PLCB1: variants seen among roughly 807,000 people sequenced by gnomAD.
PLCB1 encodes 1-phosphatidylinositol 4,5-bisphosphate phosphodiesterase beta-1.
In PLCB1, 46 loss-of-function variants were observed where a neutral mutation model predicts 161.8. The observed-to-expected ratio is 0.28, with a 90% CI of 0.22 to 0.36. The LOEUF (loss-of-function observed/expected upper bound fraction) is 0.36. PLCB1 is among the 10% of genes least tolerant of loss of function. PLCB1 has a pLI of 1.00. For synonymous variants in PLCB1, 517 were observed against 503.7 expected, an observed-to-expected ratio of 1.03 and a Z score of -0.35; for missense variants, 1,016 against 1,472.5, an observed-to-expected ratio of 0.69 and a Z score of 5.07.
chr20:8,428,110 G>C (rs1979865287), intron 3 of PLCB1, among the ~76,000 whole-genome samples: 1 of 152,102 alleles, frequency 6.6e-6, no homozygotes, highest in African/African-American at 2.4e-5. Flanking sequence ...AACCAGGTTG[G>C]GTCCAAATGA....
chr20:8,571,295 A>C (rs1986504794), intron 3 of PLCB1, among the ~76,000 whole-genome samples: 1 of 152,162 alleles, frequency 6.6e-6, no homozygotes, highest in South Asian at 2.1e-4. Flanking sequence ...CAACCTAGCC[A>C]ACATGGTGAC....
In PLCB1 at chr20:8,370,480, C is replaced by G. The variant is rs1428941278; in HGVS notation, c.178-902C>G. Among the ~76,000 whole-genome samples the G allele has an allele frequency of 3.9e-5, 6 of 152,136 alleles. No individual in the cohort carries two copies. In the East Asian group the frequency reaches 1.2e-3, roughly 29 times the overall value. On this transcript the variant is annotated intron_variant, in intron 2 of 31. Coordinates refer to ENST00000338037, the MANE Select transcript of PLCB1 (RefSeq NM_015192.4). ...GATGCTTCTCTATCCTTCTCCCTAC[C>G]TCCTTTCCCCGCAATGTTCTCTGTC... is the stretch of plus-strand genomic sequence containing the variant.
At chr20:8,242,417 A>G (rs528837025) in intron 2 of PLCB1, among the ~76,000 whole-genome samples, 3 of 152,080 alleles carry the variant, frequency 2.0e-5, no homozygotes, top group Non-Finnish European at 4.4e-5. Context: ...GGCAATGATT[A>G]GTATTTGAAC....
At position 8,269,928 on chromosome 20, in the gene PLCB1, T is replaced by C. The variant is rs112169436; in HGVS notation, c.178-101454T>C. Among the ~76,000 whole-genome samples, 424 of 152,228 alleles carry C rather than the reference T, an allele frequency of 2.8e-3. 2 individuals carry two copies. The highest frequency in any genetic ancestry group is 9.6e-3 in the African/African-American group (399 of 41,538). On this transcript the variant is annotated intron_variant, in intron 2 of 31. Transcript: ENST00000338037. ...AAAAAGCCTGGCTAACCTTATTTAATTCTACTGAGCTTTACAATTTGGGGG... is the reference window on the plus strand; with the variant it reads ...AAAAAGCCTGGCTAACCTTATTTAACTCTACTGAGCTTTACAATTTGGGGG...
chr20:8,373,177 T>G, intron 3 of PLCB1, among the ~76,000 whole-genome samples: 1 of 152,176 alleles, frequency 6.6e-6, no homozygotes, highest in Non-Finnish European at 1.5e-5. Flanking sequence ...TTTGTCAGCT[T>G]TTCTCCATCA....
chr20:8,851,832 G>A (rs1351184314), intron 31 of PLCB1, among the ~76,000 whole-genome samples: 1 of 151,068 alleles, frequency 6.6e-6, no homozygotes, highest in African/African-American at 2.4e-5. Context: ...TTGAACTGAA[G>A]TTGCAATTTA....
At chr20:8,407,313 G>A (rs1978827811) in intron 3 of PLCB1, among the ~76,000 whole-genome samples, 1 of 151,814 alleles carries the variant, frequency 6.6e-6, no homozygotes, top group Non-Finnish European at 1.5e-5. Context: ...AGTACAATAT[G>A]GAAAAAGGGA....
chr20:8,483,400 T>G (rs1982589227), intron 3 of PLCB1, among the ~76,000 whole-genome samples: 1 of 152,228 alleles, frequency 6.6e-6, no homozygotes, highest in African/African-American at 2.4e-5. Flanking sequence ...CAGCTTCAAT[T>G]ATTTAAATCA....
At chr20:8,444,812 T>G (rs1285079670) in intron 3 of PLCB1, among the ~76,000 whole-genome samples, 2 of 152,334 alleles carry the variant, frequency 1.3e-5, no homozygotes, top group Non-Finnish European at 2.9e-5. Context: ...ATGATGAGCA[T>G]TTTTTCATGT....
chr20:8,728,979 G>T, intron 17 of PLCB1, 71 bp from the exon 18 acceptor site: 2 of 1,041,406 alleles, frequency 1.9e-6, no homozygotes, highest in East Asian at 2.9e-5. Context: ...AAGATGGAAG[G>T]TAGCTTCTTA....
At chr20:8,464,225 A>C (rs1164885096) in intron 3 of PLCB1, among the ~76,000 whole-genome samples, 1 of 152,096 alleles carries the variant, frequency 6.6e-6, no homozygotes, top group Non-Finnish European at 1.5e-5. Flanking sequence ...TTCATGTTGT[A>C]TTGGGTGTTC....
intron 31 of PLCB1, among the ~76,000 whole-genome samples, chr20:8,812,319 C>G (rs558712495): frequency 6.6e-6 from 1 of 152,276 alleles, no homozygotes; most frequent in South Asian, 2.1e-4. Context: ...GATTCTGGAG[C>G]AGGCTCATGA....
chr20:8,630,696 A>G (rs532274462), intron 4 of PLCB1, among the ~76,000 whole-genome samples: 2 of 152,356 alleles, frequency 1.3e-5, no homozygotes, highest in South Asian at 4.1e-4. Flanking sequence ...TTCCTTTTAT[A>G]AAAAGTGACC....
rs2051307476 is a variant in PLCB1, at chr20:8,132,884, G to T, written c.99+134G>T. The T allele has an allele frequency of 9.2e-6, 6 of 654,066 alleles. No homozygotes were observed. The highest frequency in any genetic ancestry group is 2.7e-6 in the Non-Finnish European group (1 of 363,824). 40.5% of individuals were successfully genotyped at this position (654,066 alleles called of 1,614,324 possible). ...GGCAGGGGCAGCCTCGGGCGCACAG[G>T]TTGGCATCTGCCAAAGCGGATGTCC... On this transcript the variant is annotated intron_variant, in intron 1 of 31. Transcript: ENST00000338037. The surrounding 1 kb of genome is among the most constrained non-coding windows in gnomAD (Gnocchi z 5.2).
intron 2 of PLCB1, among the ~76,000 whole-genome samples, chr20:8,225,428 A>G (rs1979630099): frequency 6.6e-6 from 1 of 152,216 alleles, no homozygotes; most frequent in Admixed American, 6.5e-5. Flanking sequence ...GCTCATGTGA[A>G]GAAACAAACA....
chr20:8,749,955 A>C (rs950117051), intron 23 of PLCB1, among the ~76,000 whole-genome samples: 2 of 19,048 alleles, frequency 1.0e-4, no homozygotes, highest in Non-Finnish European at 5.9e-4. Flanking sequence ...TTCATTCAAT[A>C]TTTTTTTTTT....
chr20:8,705,415 T>G (rs1006099009), intron 11 of PLCB1, among the ~76,000 whole-genome samples: 1 of 152,206 alleles, frequency 6.6e-6, no homozygotes, highest in African/African-American at 2.4e-5. Context: ...GAATGTGCCT[T>G]AGCAGAACAG....
chr20:8,481,352 T>C (rs986383818), intron 3 of PLCB1, among the ~76,000 whole-genome samples: 2 of 152,158 alleles, frequency 1.3e-5, no homozygotes, highest in African/African-American at 4.8e-5. Context: ...TTGTGAATTG[T>C]TTGGATGACT....
At chr20:8,528,413 A>T (rs1436805348) in intron 3 of PLCB1, among the ~76,000 whole-genome samples, 2 of 152,118 alleles carry the variant, frequency 1.3e-5, no homozygotes, top group Non-Finnish European at 2.9e-5. Context: ...AAGAAGCCAG[A>T]CACAAAAGTT....
Sources: allele counts gnomAD v4.1 joint callset (sites outside exome capture counted in the v4.1 genomes callset), GRCh38; gene constraint gnomAD v4.1.1; non-coding constraint Gnocchi (gnomAD v3.1); transcripts MANE v1.5; gene names NCBI Gene and HGNC (gene_info 2026-07-23, HGNC 2026-07-21).